Variants in CTNNAL1 observed in about 807,000 individuals in gnomAD.
CTNNAL1 encodes alpha-catulin.
CTNNAL1 carries 69 observed loss-of-function variants against 93.6 expected under a neutral mutation model. The ratio of observed to expected loss-of-function variants is 0.74; its 90% CI spans 0.61 to 0.90. The LOEUF (loss-of-function observed/expected upper bound fraction) is 0.90. Among genes scored for constraint, CTNNAL1 ranks in the 40% least tolerant of loss-of-function variants. The probability of loss-of-function intolerance (pLI) is 0.00; values close to 1 mark genes in which losing one functional copy is unlikely to be tolerated. For missense variants in CTNNAL1, 836 were observed against 862.0 expected, an observed-to-expected ratio of 0.97 and a Z score of 0.38; for synonymous variants, 286 against 305.4, an observed-to-expected ratio of 0.94 and a Z score of 0.66.
intron 8 of CTNNAL1, 31 bp from the exon 9 acceptor site, chr9:108,972,864 G>GGGGGCGGCCCCCCCCC: frequency 7.0e-6 from 1 of 142,574 alleles, no homozygotes; most frequent in Non-Finnish European, 1.0e-5. Flanking sequence ...GGGGGGGTGG[G>GGGGGCGGCCCCCCCCC]AGGGTGGAGA....
chr9:108,973,407 T>C (rs1831172893), intron 8 of CTNNAL1, among the ~76,000 whole-genome samples: 1 of 152,130 alleles, frequency 6.6e-6, no homozygotes, highest in African/African-American at 2.4e-5. Flanking sequence ...AATACCTATA[T>C]CATGGCAAGC....
At chr9:108,990,662 T>C in intron 4 of CTNNAL1, 64 bp downstream of exon 4, 8 of 1,539,704 alleles carry the variant, frequency 5.2e-6, no homozygotes, top group South Asian at 2.6e-5. Context: ...CTAACGATCA[T>C]ACCTCCATCC....
At chr9:108,953,473 A>C (rs2132096946) in intron 12 of CTNNAL1, among the ~76,000 whole-genome samples, 1 of 152,318 alleles carries the variant, frequency 6.6e-6, no homozygotes. Context: ...TCACAAACAC[A>C]CATTGGGTAT....
At chr9:108,944,416 AT>A (rs28361178) in intron 15 of CTNNAL1, among the ~76,000 whole-genome samples, 19,083 of 152,276 alleles carry the variant, frequency 0.13, 1,554 homozygotes, top group Middle Eastern at 0.18. Flanking sequence ...GACCTTCCCA[AT>A]TCCATCTAGG....
intron 2 of CTNNAL1, among the ~76,000 whole-genome samples, chr9:108,997,271 C>A (rs1271439401): frequency 6.6e-6 from 1 of 152,138 alleles, no homozygotes; most frequent in Non-Finnish European, 1.5e-5. Context: ...GTGCACTCTT[C>A]CTGCTCTTTA....
Position 109,009,055 on chromosome 9 carries a change from C to T in CTNNAL1, c.141+4247G>A, listed in dbSNP as rs143391925. ...GACCACAGGTGCATGCCATCACACC[C>T]GACTAATTTTTTGTATTTTTTGTAG... is the stretch of plus-strand genomic sequence containing the variant. On this transcript the variant is annotated intron_variant, in intron 1 of 18. Transcript: ENST00000325551. 3.4e-3 allele frequency among the ~76,000 whole-genome samples: 509 copies of T among 151,356 alleles called. 6 individuals are homozygous for T. Among genetic ancestry groups the T allele is most frequent in the African/African-American group, 0.012 (475 of 41,280 alleles).
chr9:108,998,234 G>A (rs565351477), intron 2 of CTNNAL1, among the ~76,000 whole-genome samples: 2 of 152,142 alleles, frequency 1.3e-5, no homozygotes, highest in Non-Finnish European at 2.9e-5. Context: ...CATCTAGTAG[G>A]TAGAAGCTAG....
rs995494514 is a variant in CTNNAL1 at position 108,946,419 on chromosome 9, C to T, written c.1884+1767G>A. Among the ~76,000 whole-genome samples the T allele has an allele frequency of 2.6e-5, 4 of 152,136 alleles. No homozygotes were observed. The South Asian group carries it at 8.3e-4, about 32-fold the overall frequency. ...CCTTACTCTTCTGATACACCCAGCC[C>T]TACCCCTGCACCTCGGGGCTTTGCA... On this transcript the variant is annotated intron_variant, in intron 15 of 18. Coordinates refer to ENST00000325551, the MANE Select transcript of CTNNAL1 (RefSeq NM_003798.4).
In CTNNAL1 at chr9:108,992,793, T is replaced by A; in HGVS notation, c.358A>T (p.Ile120Leu). The change falls in exon 3 of 19, where the codon ATA (isoleucine) becomes TTA (leucine). Residue 120 changes from isoleucine (I) to leucine (L), a missense_variant. Physicochemically the swap from Ile to Leu is conservative, Grantham distance 5. Transcript: ENST00000325551. ...AGETIAALTD[I>L]TNLNHLESDG... ...GATTCCAGATGGTTCAAGTTGGTTA[T>A]GTCTGTAAGTGCTGCAATTGTTTCT... is the stretch of plus-strand genomic sequence containing the variant. 1 of 1,612,020 alleles carries A rather than the reference T, an allele frequency of 6.2e-7. No homozygotes were observed. Among genetic ancestry groups the A allele is most frequent in the Non-Finnish European group, 8.5e-7 (1 of 1,179,380 alleles).
At chr9:108,985,505 T>C (rs1490190286) in intron 4 of CTNNAL1, among the ~76,000 whole-genome samples, 2 of 152,230 alleles carry the variant, frequency 1.3e-5, no homozygotes, top group Non-Finnish European at 2.9e-5. Context: ...ATTCAGAAGT[T>C]AGTCCTACAC....
rs768398815 is a variant in CTNNAL1, at chr9:108,970,483, C to A, written c.1359G>T (p.Leu453Phe). The A allele has an allele frequency of 3.7e-6, 6 of 1,611,076 alleles. No individual in the cohort carries two copies. The East Asian group carries it at 1.1e-4, about 30-fold the overall frequency. Residue 453 changes from leucine to phenylalanine, a missense_variant, in exon 10 of 19, where the codon TTG becomes TTT. Transcript: ENST00000325551. ...QKEQLVETCR[L>F]LRHISGTEPL... ...GTTCTGTCCCAGATATGTGTCGTAA[C>A]AATCGACAGGTCTACAAGACAATAT...
intron 9 of CTNNAL1, 47 bp from the exon 10 acceptor site, chr9:108,970,541 C>T (rs1831085277): frequency 2.0e-6 from 3 of 1,497,720 alleles, no homozygotes; most frequent in Non-Finnish European, 2.7e-6. Flanking sequence ...CCTCATCCTC[C>T]ACAATACATA....
chr9:108,995,582 T>C (rs1035081486), intron 2 of CTNNAL1, among the ~76,000 whole-genome samples: 11 of 152,190 alleles, frequency 7.2e-5, no homozygotes, highest in Admixed American at 5.2e-4. Flanking sequence ...TTTTAATTTA[T>C]TATATGTCAT....
intron 5 of CTNNAL1, among the ~76,000 whole-genome samples, chr9:108,983,526 T>C (rs968286999): frequency 2.0e-5 from 3 of 152,140 alleles, no homozygotes; most frequent in Non-Finnish European, 2.9e-5. Context: ...AGTGCAAAAC[T>C]ATACCTTTAT....
Position 109,004,643 on chromosome 9 carries a change from G to A in CTNNAL1, c.142-5387C>T, listed in dbSNP as rs560408234. ...TCTACTAGAAGTACAAAAATTAGCCGGGCATGGTGGTGTGCACCTATAATC... is the reference window on the plus strand; with the variant it reads ...TCTACTAGAAGTACAAAAATTAGCCAGGCATGGTGGTGTGCACCTATAATC... On this transcript the variant is annotated intron_variant, in intron 1 of 18. Coordinates refer to ENST00000325551, the MANE Select transcript of CTNNAL1 (RefSeq NM_003798.4). 5.3e-5 allele frequency among the ~76,000 whole-genome samples: 8 copies of A among 152,146 alleles called. No individual in the cohort carries two copies. In the East Asian group the frequency reaches 5.8e-4, roughly 11 times the overall value.
At chr9:108,996,474 T>G (rs1564146967) in intron 2 of CTNNAL1, among the ~76,000 whole-genome samples, 1 of 152,158 alleles carries the variant, frequency 6.6e-6, no homozygotes, top group Non-Finnish European at 1.5e-5. Flanking sequence ...TGAGTGACAC[T>G]AGGAGGAAGA....
rs1002957811 is a variant in CTNNAL1 at position 108,947,882 on chromosome 9, C to T, written c.1884+304G>A. Among the ~76,000 whole-genome samples, 3 of 152,192 alleles carry T rather than the reference C, an allele frequency of 2.0e-5. No individual in the cohort carries two copies. The South Asian group carries it at 6.2e-4, about 32-fold the overall frequency. ...TTCTAGAACTCTGGATTTGCATCTGCTTACAGGATATTTTCACCTACTTAG... is the reference window on the plus strand; with the variant it reads ...TTCTAGAACTCTGGATTTGCATCTGTTTACAGGATATTTTCACCTACTTAG... On this transcript the variant is annotated intron_variant, in intron 15 of 18. Coordinates refer to ENST00000325551, the MANE Select transcript of CTNNAL1 (RefSeq NM_003798.4).
chr9:108,964,984 G>A (rs903392157), intron 11 of CTNNAL1, among the ~76,000 whole-genome samples: 8 of 151,866 alleles, frequency 5.3e-5, no homozygotes, highest in Admixed American at 2.6e-4. Context: ...TGCCTCAGCC[G>A]TAGTATCTGG....
intron 3 of CTNNAL1, among the ~76,000 whole-genome samples, chr9:108,991,161 G>A (rs989243594): frequency 4.6e-5 from 7 of 152,210 alleles, no homozygotes; most frequent in African/African-American, 2.4e-5. Context: ...AGGTGGGAAT[G>A]GGCAGGACCA....
Sources: allele counts gnomAD v4.1 joint callset (sites outside exome capture counted in the v4.1 genomes callset), GRCh38; gene constraint gnomAD v4.1.1; transcripts MANE v1.5; gene names NCBI Gene and HGNC (gene_info 2026-07-23, HGNC 2026-07-21).